Variants in PALM2AKAP2 observed in about 807,000 individuals in gnomAD.
PALM2AKAP2 encodes PALM2 and AKAP2 fusion, also known as PALM2-AKAP2 fusion protein.
A neutral mutation model predicts 71.5 loss-of-function variants in PALM2AKAP2; 37 were observed. That is an observed-to-expected ratio of 0.52 (90% CI 0.40 to 0.68). The LOEUF (loss-of-function observed/expected upper bound fraction) is 0.68. PALM2AKAP2 is among the 30% of genes least tolerant of loss of function. PALM2AKAP2 has a pLI of 0.00. For missense variants in PALM2AKAP2, 1,224 were observed against 1,191.8 expected, an observed-to-expected ratio of 1.03 and a Z score of -0.40; for synonymous variants, 468 against 478.8, an observed-to-expected ratio of 0.98 and a Z score of 0.29.
chr9:110,064,813 G>A (rs553812636), intron 1 of PALM2AKAP2, among the ~76,000 whole-genome samples: 11 of 152,270 alleles, frequency 7.2e-5, no homozygotes, highest in Admixed American at 6.5e-4. Flanking sequence ...GTGGCCCCGT[G>A]ATAAGGGAAA....
chr9:109,790,756 G>A (rs1000385877), intron 1 of PALM2AKAP2, among the ~76,000 whole-genome samples: 3 of 152,148 alleles, frequency 2.0e-5, no homozygotes, highest in East Asian at 1.9e-4. Flanking sequence ...CTGATATCAC[G>A]TGCTGTTTCT....
At chr9:109,680,978 A>G (rs1356105857) in intron 1 of PALM2AKAP2, among the ~76,000 whole-genome samples, 1 of 152,246 alleles carries the variant, frequency 6.6e-6, no homozygotes, top group African/African-American at 2.4e-5. Context: ...TAAGGAAAAC[A>G]GAAGAAAAAG....
At chr9:109,843,055 G>A (rs973162963) in intron 1 of PALM2AKAP2, among the ~76,000 whole-genome samples, 1 of 145,108 alleles carries the variant, frequency 6.9e-6, no homozygotes, top group Non-Finnish European at 1.5e-5. Flanking sequence ...CAGGAGACTC[G>A]CTTGAACCCG....
Position 110,064,361 on chromosome 9 carries a change from C to G in PALM2AKAP2, c.156+15506C>G, listed in dbSNP as rs114826092. On this transcript the variant is annotated intron_variant, in intron 1 of 3. Transcript: ENST00000374525. ...TCATCTTCCCAAGACGGAAGTGCCT[C>G]TCCTGTCCGACCTCCTAGCCCAGCC... Among the ~76,000 whole-genome samples, 647 of 152,298 alleles carry G rather than the reference C, an allele frequency of 4.2e-3. 5 individuals are homozygous for G. Among genetic ancestry groups the G allele is most frequent in the African/African-American group, 0.015 (608 of 41,550 alleles).
chr9:110,077,914 T>C (rs1383567203), intron 1 of PALM2AKAP2, among the ~76,000 whole-genome samples: 1 of 151,100 alleles, frequency 6.6e-6, no homozygotes, highest in South Asian at 2.1e-4. Context: ...CTCAGGAGGC[T>C]GAGACAGGAG....
chr9:109,860,281 G>A (rs768263673), intron 1 of PALM2AKAP2, among the ~76,000 whole-genome samples: 5 of 152,124 alleles, frequency 3.3e-5, no homozygotes, highest in East Asian at 3.8e-4. Flanking sequence ...TGTATAAATA[G>A]CATTGAATCT....
intron 1 of PALM2AKAP2, among the ~76,000 whole-genome samples, chr9:109,739,359 G>C (rs1324798717): frequency 3.9e-5 from 6 of 152,122 alleles, no homozygotes; most frequent in Non-Finnish European, 7.3e-5. Context: ...GCCATCAATT[G>C]TAAAAAGAAA....
At chr9:109,775,063 A>T (rs958521484) in intron 1 of PALM2AKAP2, among the ~76,000 whole-genome samples, 2 of 152,236 alleles carry the variant, frequency 1.3e-5, no homozygotes, top group Non-Finnish European at 2.9e-5. Context: ...ATGTAAGGAA[A>T]CTGTCATTCT....
chr9:109,833,992 C>T (rs370348572), intron 1 of PALM2AKAP2, among the ~76,000 whole-genome samples: 1 of 152,202 alleles, frequency 6.6e-6, no homozygotes, highest in South Asian at 2.1e-4. Flanking sequence ...GCGGGCAGAT[C>T]ACCTGAGGTC....
intron 1 of PALM2AKAP2, among the ~76,000 whole-genome samples, chr9:110,097,162 G>T (rs1266808283): frequency 6.6e-6 from 1 of 150,950 alleles, no homozygotes; most frequent in Non-Finnish European, 1.5e-5. Context: ...CTCTTAACCA[G>T]CATGCTGCCT....
At chr9:109,849,488 C>G (rs1251281395) in intron 1 of PALM2AKAP2, among the ~76,000 whole-genome samples, 1 of 152,204 alleles carries the variant, frequency 6.6e-6, no homozygotes, top group Non-Finnish European at 1.5e-5. Context: ...TAGCTCACAC[C>G]TGTAATCCCA....
chr9:109,875,029 G>T (rs990646883), intron 2 of PALM2AKAP2, among the ~76,000 whole-genome samples: 4 of 152,180 alleles, frequency 2.6e-5, no homozygotes, highest in Non-Finnish European at 4.4e-5. Flanking sequence ...AGAAGACACA[G>T]CAAACTCCTT....
At chr9:109,668,672 G>T (rs1827528805) in intron 1 of PALM2AKAP2, among the ~76,000 whole-genome samples, 1 of 152,158 alleles carries the variant, frequency 6.6e-6, no homozygotes, top group Non-Finnish European at 1.5e-5. Flanking sequence ...AAACTGATTA[G>T]CCAACCAACA....
chr9:110,143,265 AAG>A (rs1836079425), intron 2 of PALM2AKAP2, among the ~76,000 whole-genome samples: 3 of 151,548 alleles, frequency 2.0e-5, no homozygotes, highest in Admixed American at 1.3e-4. Flanking sequence ...AAAAAAAAAA[AAG>A]AAAAATTACC....
intron 1 of PALM2AKAP2, among the ~76,000 whole-genome samples, chr9:109,694,494 G>C (rs1429103134): frequency 6.6e-6 from 1 of 151,722 alleles, no homozygotes; most frequent in African/African-American, 2.4e-5. Flanking sequence ...AGAAAATCTA[G>C]TGATACACTT....
chr9:109,917,910 A>C (rs1396855263), intron 3 of PALM2AKAP2, among the ~76,000 whole-genome samples: 1 of 152,030 alleles, frequency 6.6e-6, no homozygotes, highest in Non-Finnish European at 1.5e-5. Context: ...AGGATACATA[A>C]TTTTTTTCAG....
At chr9:110,030,897 A>T (rs1833267267) in intron 7 of PALM2AKAP2, among the ~76,000 whole-genome samples, 1 of 152,222 alleles carries the variant, frequency 6.6e-6, no homozygotes, top group African/African-American at 2.4e-5. Context: ...TTTCGAGGTC[A>T]CTTATGCTTA....
chr9:109,871,609 A>G (rs1829604730), intron 2 of PALM2AKAP2, among the ~76,000 whole-genome samples: 1 of 152,192 alleles, frequency 6.6e-6, no homozygotes. Context: ...AAATCCTTCT[A>G]TACTTTTTTC....
At chr9:109,761,886 C>G (rs1046543559) in intron 1 of PALM2AKAP2, among the ~76,000 whole-genome samples, 15 of 152,092 alleles carry the variant, frequency 9.9e-5, no homozygotes, top group Admixed American at 9.8e-4. Flanking sequence ...TGGGTATATA[C>G]CCAGTAATGA....
Sources: gnomAD v4.1 joint callset for allele counts (sites outside exome capture counted in the v4.1 genomes callset) on GRCh38, gnomAD v4.1.1 for gene constraint, MANE v1.5 for transcripts, NCBI Gene and HGNC (gene_info 2026-07-23, HGNC 2026-07-21) for gene names.